The following TRAPPC9 variants were observed in gnomAD, a reference collection of about 807,000 sequenced individuals.
TRAPPC9 encodes IKK2 binding protein.
Under a neutral mutation model 124.0 loss-of-function variants are expected in TRAPPC9, and 83 were observed. The ratio of observed to expected loss-of-function variants is 0.67; its 90% confidence interval spans 0.56 to 0.80. The LOEUF (loss-of-function observed/expected upper bound fraction) is 0.80, where lower values mean the gene tolerates loss of function less well. Ranked by LOEUF, TRAPPC9 falls within the 30% of genes least tolerant of loss-of-function variation. TRAPPC9 has a pLI of 0.00. For synonymous variants in TRAPPC9, 638 were observed against 617.5 expected (o/e 1.03, Z -0.49); for missense variants, 1,302 against 1,508.3 (o/e 0.86, Z 2.27).
rs57372376 is a variant in TRAPPC9, at chr8:140,418,771, T to TAGACAGAC, written c.886+7836_886+7843dup. 5.1e-3 allele frequency among the ~76,000 whole-genome samples: 666 copies of TAGACAGAC among 131,262 alleles called. 6 individuals are homozygous for TAGACAGAC. Among genetic ancestry groups the TAGACAGAC allele is most frequent in the Middle Eastern group, 0.033 (9 of 270 alleles). The allele number at this position is 131,262 out of a possible 152,430, so 86.1% of individuals were successfully genotyped here. A position where few individuals can be genotyped will look rare whatever the true frequency, so the allele number is the denominator to read the frequency against. On this transcript the variant is annotated intron_variant, in intron 5 of 22. Coordinates refer to ENST00000438773, the MANE Select transcript of TRAPPC9 (RefSeq NM_001160372.4). Reference sequence around the variant, plus strand: ...ATAGATAGATAGATAGATAGATAGATAGACAGACAGACAGACAGATGCAAA... The same window carrying TAGACAGAC: ...ATAGATAGATAGATAGATAGATAGATAGACAGACAGACAGACAGACAGACAGATGCAAA...
chr8:139,999,087 C>A (rs1838226921), intron 18 of TRAPPC9, among the ~76,000 whole-genome samples: 1 of 151,774 alleles, frequency 6.6e-6, no homozygotes, highest in African/African-American at 2.4e-5. Flanking sequence ...AAAAAACAAA[C>A]CAAAAATACA....
At chr8:140,345,266 A>G (rs2067309900) in intron 9 of TRAPPC9, among the ~76,000 whole-genome samples, 1 of 152,188 alleles carries the variant, frequency 6.6e-6, no homozygotes, top group South Asian at 2.1e-4. Context: ...GGAGGTGCTG[A>G]GGACAGAGCA....
chr8:140,017,787 A>G (rs539168197), intron 18 of TRAPPC9, among the ~76,000 whole-genome samples: 1 of 152,336 alleles, frequency 6.6e-6, no homozygotes, highest in African/African-American at 2.4e-5. Flanking sequence ...TCAACTTACA[A>G]TCAGTTCGGG....
At chr8:139,933,718 T>G (rs1026183880) in intron 19 of TRAPPC9, 1 of 152,272 alleles carries the variant, frequency 6.6e-6, no homozygotes, top group African/African-American at 2.4e-5. Flanking sequence ...CTGTCTTGGT[T>G]TCTGCTCTTC....
At chr8:140,032,572 T>C (rs1437744567) in intron 17 of TRAPPC9, among the ~76,000 whole-genome samples, 1 of 152,254 alleles carries the variant, frequency 6.6e-6, no homozygotes, top group Non-Finnish European at 1.5e-5. Context: ...CTTTGCAGGT[T>C]ATTTGTAGAC....
intron 21 of TRAPPC9, among the ~76,000 whole-genome samples, chr8:139,756,036 C>T (rs1445209443): frequency 7.9e-6 from 1 of 126,178 alleles, no homozygotes; most frequent in Non-Finnish European, 1.6e-5. Flanking sequence ...CAGGAGGAGC[C>T]AGGGATTAGG....
At chr8:139,917,235 G>A (rs1219650474) in intron 19 of TRAPPC9, among the ~76,000 whole-genome samples, 2 of 138,106 alleles carry the variant, frequency 1.4e-5, no homozygotes, top group Non-Finnish European at 3.0e-5. Context: ...GTGCAGTGGC[G>A]CGATCTCGGC....
At chr8:140,376,488 G>A (rs1003666038) in intron 7 of TRAPPC9, among the ~76,000 whole-genome samples, 3 of 148,910 alleles carry the variant, frequency 2.0e-5, no homozygotes, top group East Asian at 2.0e-4. Flanking sequence ...CTTGGGAGAC[G>A]GAACTTGCAG....
intron 16 of TRAPPC9, 23 bp from the exon 17 acceptor site, chr8:140,221,606 A>G (rs772029960): frequency 1.2e-6 from 2 of 1,610,218 alleles, no homozygotes; most frequent in Non-Finnish European, 1.7e-6. Context: ...AACAAAAATC[A>G]TAAGTAACAC....
chr8:139,845,163 T>G (rs980501555), intron 21 of TRAPPC9, among the ~76,000 whole-genome samples: 4 of 152,228 alleles, frequency 2.6e-5, no homozygotes, highest in African/African-American at 9.6e-5. Flanking sequence ...GTTTACCATT[T>G]ACTGGTTATA....
chr8:139,929,722 C>A (rs1047937619), intron 19 of TRAPPC9, among the ~76,000 whole-genome samples: 1 of 152,270 alleles, frequency 6.6e-6, no homozygotes, highest in Non-Finnish European at 1.5e-5. Context: ...GTGCCATGCA[C>A]CCGACACATA....
At chr8:139,786,014 C>T (rs1341530058) in intron 21 of TRAPPC9, among the ~76,000 whole-genome samples, 1 of 152,040 alleles carries the variant, frequency 6.6e-6, no homozygotes, top group Non-Finnish European at 1.5e-5. Context: ...CGAGACCAGC[C>T]TGGCCAACAT....
At chr8:139,802,361 G>A (rs1823599741) in intron 21 of TRAPPC9, among the ~76,000 whole-genome samples, 4 of 152,202 alleles carry the variant, frequency 2.6e-5, no homozygotes, top group Admixed American at 2.6e-4. Flanking sequence ...AAGGAGAGGA[G>A]CTGTGTTTGG....
At chr8:139,883,599 A>G (rs943346767) in intron 21 of TRAPPC9, among the ~76,000 whole-genome samples, 1 of 152,156 alleles carries the variant, frequency 6.6e-6, no homozygotes, top group African/African-American at 2.4e-5. Flanking sequence ...TAATTTCCCC[A>G]CTATTGTAAA....
chr8:139,821,129 A>G (rs1825222573), intron 21 of TRAPPC9, among the ~76,000 whole-genome samples: 1 of 152,258 alleles, frequency 6.6e-6, no homozygotes, highest in South Asian at 2.1e-4. Context: ...CAAATGGATA[A>G]GAAAAAGCCA....
chr8:139,921,431 G>A (rs1297828798), intron 19 of TRAPPC9, among the ~76,000 whole-genome samples: 1 of 152,228 alleles, frequency 6.6e-6, no homozygotes, highest in African/African-American at 2.4e-5. Context: ...CCATGAGAGA[G>A]ATGGACAACA....
At position 140,423,680 on chromosome 8, in the gene TRAPPC9, A is replaced by C. The variant is rs534928645; in HGVS notation, c.886+2935T>G. ...TACACACATATATACACATATACAC[A>C]TATATACACATATACACATGTATAC... On this transcript the variant is annotated intron_variant, in intron 5 of 22. Coordinates refer to ENST00000438773, the MANE Select transcript of TRAPPC9 (RefSeq NM_001160372.4). Among the ~76,000 whole-genome samples, 8 of 54,692 alleles carry C rather than the reference A, an allele frequency of 1.5e-4. No homozygotes were observed. The East Asian group carries it at 4.3e-3, about 30-fold the overall frequency. The allele number at this position is 54,692 out of a possible 152,430, so 35.9% of individuals were successfully genotyped here.
intron 21 of TRAPPC9, among the ~76,000 whole-genome samples, chr8:139,766,232 C>T (rs1289819569): frequency 1.3e-5 from 2 of 152,218 alleles, no homozygotes; most frequent in South Asian, 2.1e-4. Context: ...TGTCCTTGGG[C>T]GTGTCTGCCA....
chr8:140,351,159 A>G (rs1365568340), intron 9 of TRAPPC9, among the ~76,000 whole-genome samples: 1 of 151,384 alleles, frequency 6.6e-6, no homozygotes, highest in Non-Finnish European at 1.5e-5. Flanking sequence ...AGGAAGGAGA[A>G]GCGACAACGG....
Sources: allele counts gnomAD v4.1 joint callset (sites outside exome capture counted in the v4.1 genomes callset), GRCh38; gene constraint gnomAD v4.1.1; transcripts MANE v1.5; gene names NCBI Gene and HGNC (gene_info 2026-07-23, HGNC 2026-07-21).